PCDH15: variants seen among roughly 807,000 people sequenced by gnomAD.
The protein encoded by PCDH15 is protocadherin-15.
PCDH15 carries 129 observed loss-of-function variants against 178.5 expected under a neutral mutation model. The ratio of observed to expected loss-of-function variants is 0.72; its 90% CI spans 0.63 to 0.84. The LOEUF (loss-of-function observed/expected upper bound fraction) is 0.84. PCDH15 is among the 40% of genes least tolerant of loss of function. The pLI is 0.00. For synonymous variants in PCDH15, 800 were observed against 732.0 expected (o/e 1.09, Z -1.50); for missense variants, 2,230 against 2,099.9 (o/e 1.06, Z -1.21).
chr10:55,238,239 T>C (rs1841444198), intron 1 of PCDH15, among the ~76,000 whole-genome samples: 1 of 145,626 alleles, frequency 6.9e-6, no homozygotes, highest in African/African-American at 2.5e-5. Context: ...AAGCTCTGCC[T>C]CCCAGGTTCA....
rs959252930 is a variant in PCDH15, at chr10:54,317,535, G to A, written c.706-94C>T. The stretch of plus-strand genomic sequence containing the variant: ...CATACCTGTAATCCCAGAACTTTGG[G>A]AGGCCAAGGTGGGTGGATCACTTGA... On this transcript the variant is annotated intron_variant, in intron 7 of 37. Transcript: ENST00000644397. 4 of 1,445,176 alleles carry A rather than the reference G, an allele frequency of 2.8e-6. No homozygotes were observed. In the African/African-American group the frequency reaches 5.6e-5, roughly 20 times the overall value. The allele number at this position is 1,445,176 out of a possible 1,614,324, so 89.5% of individuals were successfully genotyped here.
At chr10:54,533,860 T>C (rs1381648723) in intron 2 of PCDH15, among the ~76,000 whole-genome samples, 2 of 152,190 alleles carry the variant, frequency 1.3e-5, no homozygotes, top group Admixed American at 1.3e-4. Context: ...TGTTTTAAGA[T>C]GTTAAAGAAA....
chr10:54,799,113 G>A (rs1414689), intron 1 of PCDH15, among the ~76,000 whole-genome samples: 111,822 of 152,080 alleles, frequency 0.74, 41,263 homozygotes, highest in South Asian at 0.84. Context: ...CTTGACGTAC[G>A]TTTTGTGATC....
At chr10:54,402,284 G>A (rs546537635) in intron 3 of PCDH15, among the ~76,000 whole-genome samples, 5 of 151,884 alleles carry the variant, frequency 3.3e-5, no homozygotes, top group South Asian at 4.2e-4. Context: ...TAAAGCTGAC[G>A]GGAAGAAGAA....
At chr10:54,299,317 C>A (rs1463443546) in intron 8 of PCDH15, among the ~76,000 whole-genome samples, 4 of 149,272 alleles carry the variant, frequency 2.7e-5, no homozygotes, top group African/African-American at 9.8e-5. Context: ...AAGAGGGAGT[C>A]AGAAAGAGAA....
At chr10:54,387,719 A>G (rs1407725699) in intron 3 of PCDH15, among the ~76,000 whole-genome samples, 4 of 152,128 alleles carry the variant, frequency 2.6e-5, no homozygotes, top group African/African-American at 9.7e-5. Context: ...ACATTATTGC[A>G]TTTCTTCCCT....
chr10:55,191,816 G>A (rs1483362281), intron 1 of PCDH15, among the ~76,000 whole-genome samples: 1 of 151,780 alleles, frequency 6.6e-6, no homozygotes, highest in Non-Finnish European at 1.5e-5. Flanking sequence ...ACCTTTCACT[G>A]TAACTTTCCC....
intron 3 of PCDH15, among the ~76,000 whole-genome samples, chr10:54,848,669 T>C (rs909363586): frequency 2.0e-5 from 3 of 152,196 alleles, no homozygotes; most frequent in Non-Finnish European, 4.4e-5. Flanking sequence ...CTATATGCAA[T>C]AGAAAACAGA....
chr10:54,756,039 C>T (rs566919690), intron 1 of PCDH15, among the ~76,000 whole-genome samples: 69 of 133,590 alleles, frequency 5.2e-4, no homozygotes, highest in Non-Finnish European at 7.9e-4. Flanking sequence ...TATGGTGAAA[C>T]CCCCGTCTCT....
At chr10:55,201,321 C>T (rs1454969691) in intron 1 of PCDH15, among the ~76,000 whole-genome samples, 2 of 152,158 alleles carry the variant, frequency 1.3e-5, no homozygotes, top group South Asian at 2.1e-4. Flanking sequence ...ATCATTAATT[C>T]AAGCCATGCA....
intron 1 of PCDH15, among the ~76,000 whole-genome samples, chr10:54,696,885 A>G (rs769545656): frequency 9.9e-5 from 15 of 152,038 alleles, no homozygotes; most frequent in Non-Finnish European, 1.8e-4. Flanking sequence ...TTATCTATGT[A>G]TGTGTATTTT....
chr10:54,196,183 C>A (rs1350461669), intron 10 of PCDH15, among the ~76,000 whole-genome samples: 1 of 152,060 alleles, frequency 6.6e-6, no homozygotes, highest in Non-Finnish European at 1.5e-5. Flanking sequence ...TGCTCTGTCG[C>A]CCAGGCTGGA....
intron 33 of PCDH15, among the ~76,000 whole-genome samples, chr10:53,818,868 C>A (rs185939918): frequency 6.6e-6 from 1 of 151,934 alleles, no homozygotes; most frequent in African/African-American, 2.4e-5. Flanking sequence ...TAAAATCCAA[C>A]AAAAGAATCT....
intron 3 of PCDH15, among the ~76,000 whole-genome samples, chr10:54,446,991 C>T (rs1444238476): frequency 6.6e-6 from 1 of 151,562 alleles, no homozygotes; most frequent in Non-Finnish European, 1.5e-5. Context: ...CACAAACTTC[C>T]CCATTGGTTC....
rs528080687 is a variant in PCDH15 at position 54,214,812 on chromosome 10, A to G, written c.986-764T>C. On this transcript the variant is annotated intron_variant, in intron 9 of 37. Coordinates refer to ENST00000644397, the MANE Select transcript of PCDH15 (RefSeq NM_001384140.1). Reference sequence around the variant, plus strand: ...TGCCATGTTGGCCAGGCTGGTCTTGAACTCCCGACATCTGGTGATACACCC... The same window carrying G: ...TGCCATGTTGGCCAGGCTGGTCTTGGACTCCCGACATCTGGTGATACACCC... Among the ~76,000 whole-genome samples the G allele has an allele frequency of 2.6e-5, 4 of 152,242 alleles. No homozygotes were observed. The East Asian group carries it at 7.7e-4, about 29-fold the overall frequency.
At chr10:54,064,479 G>C (rs2094098455) in intron 18 of PCDH15, among the ~76,000 whole-genome samples, 1 of 152,158 alleles carries the variant, frequency 6.6e-6, no homozygotes, top group South Asian at 2.1e-4. Flanking sequence ...GGCTTCACCA[G>C]GGACACCCCA....
chr10:53,822,709 T>C, intron 32 of PCDH15: 1 of 1,614,006 alleles, frequency 6.2e-7, no homozygotes, highest in Non-Finnish European at 8.5e-7. Flanking sequence ...GTTGGCAAAG[T>C]GGAGAATGAG....
chr10:54,726,364 T>C (rs1003163238), intron 1 of PCDH15, among the ~76,000 whole-genome samples: 2 of 151,556 alleles, frequency 1.3e-5, no homozygotes, highest in Non-Finnish European at 3.0e-5. Flanking sequence ...TAAAGTTGAT[T>C]CTCCAGTCAT....
At position 54,437,132 on chromosome 10, in the gene PCDH15, A is replaced by G. The variant is rs76650307; in HGVS notation, c.158-58190T>C. Among the ~76,000 whole-genome samples the G allele has an allele frequency of 8.5e-3, 1,291 of 152,308 alleles. 24 individuals are homozygous for G. The highest frequency in any genetic ancestry group is 0.03 in the African/African-American group (1,230 of 41,560). The stretch of plus-strand genomic sequence containing the variant: ...AATTTTGTTGTAGCTGTAAAAATGT[A>G]TACTCTTTACCAGCAGTTACAAAAA... On this transcript the variant is annotated intron_variant, in intron 3 of 37. Transcript: ENST00000644397.
Sources: gnomAD v4.1 joint callset for allele counts (sites outside exome capture counted in the v4.1 genomes callset) on GRCh38, gnomAD v4.1.1 for gene constraint, MANE v1.5 for transcripts, NCBI Gene and HGNC (gene_info 2026-07-23, HGNC 2026-07-21) for gene names.